The following PALS1 variants were observed in gnomAD, a reference collection of about 807,000 sequenced individuals.
The protein encoded by PALS1 is protein associated with LIN7 1, MAGUK p55 family member, also known as protein PALS1.
A neutral mutation model predicts 78.9 loss-of-function variants in PALS1; 31 were observed. The ratio of observed to expected loss-of-function variants is 0.39; its 90% confidence interval spans 0.30 to 0.53. PALS1 has a LOEUF of 0.53. Among genes scored for constraint, PALS1 ranks in the 20% least tolerant of loss-of-function variants. PALS1 has a pLI of 0.67. For missense variants in PALS1, 704 were observed against 826.5 expected (o/e 0.85, Z 1.82); for synonymous variants, 276 against 270.9 (o/e 1.02, Z -0.18).
At position 67,329,037 on chromosome 14, in the gene PALS1, G is replaced by A. The variant is rs571225806; in HGVS notation, c.1852-3743G>A. Among the ~76,000 whole-genome samples the A allele has an allele frequency of 1.1e-4, 16 of 152,148 alleles. No homozygotes were observed. The East Asian group carries it at 2.7e-3, about 26-fold the overall frequency. Reference sequence around the variant, plus strand: ...AAGAAAGTCATTGGTAGCTTGATGGGGATGGCATTGAATCTATAAATTACC... The same window carrying A: ...AAGAAAGTCATTGGTAGCTTGATGGAGATGGCATTGAATCTATAAATTACC... On this transcript the variant is annotated intron_variant, in intron 14 of 14. Coordinates refer to ENST00000261681, the MANE Select transcript of PALS1 (RefSeq NM_022474.4).
intron 4 of PALS1, among the ~76,000 whole-genome samples, chr14:67,298,652 G>T (rs1199405606): frequency 6.6e-6 from 1 of 152,180 alleles, no homozygotes; most frequent in Non-Finnish European, 1.5e-5. Flanking sequence ...CATTTTTGGA[G>T]TAACTGACTT....
chr14:67,287,597 G>A (rs2084708884), intron 3 of PALS1, among the ~76,000 whole-genome samples: 1 of 152,276 alleles, frequency 6.6e-6, no homozygotes, highest in Admixed American at 6.5e-5. Context: ...CATGTGCAAC[G>A]CTGGTAGGGG....
intron 1 of PALS1, among the ~76,000 whole-genome samples, chr14:67,244,200 G>A (rs2083950166): frequency 1.3e-5 from 2 of 152,254 alleles, no homozygotes; most frequent in African/African-American, 4.8e-5. Context: ...AATGTTTAAT[G>A]AATATCTTTG....
At position 67,335,410 on chromosome 14, in the gene PALS1, T is replaced by C. The variant is rs929355922; in HGVS notation, c.*2454T>C. 2.0e-5 allele frequency: 3 copies of C among 152,242 alleles called. No homozygotes were observed. The highest frequency in any genetic ancestry group is 4.4e-5 in the Non-Finnish European group (3 of 68,040). The allele number at this position is 152,242 out of a possible 1,614,324, so 9.4% of individuals were successfully genotyped here. A position where few individuals can be genotyped will look rare whatever the true frequency, so the allele number is the denominator to read the frequency against. ...GTGGGGGAGGTCTTACCATTTAATA[T>C]AGAAATGATATCAATAACTAATGCT... On this transcript the variant is annotated 3_prime_UTR_variant, in exon 15 of 15. Transcript: ENST00000261681.
At chr14:67,329,880 AG>A (rs1566586595) in intron 14 of PALS1, among the ~76,000 whole-genome samples, 1 of 89,652 alleles carries the variant, frequency 1.1e-5, no homozygotes, top group Non-Finnish European at 1.8e-5. Context: ...ATAAATAAAT[AG>A]ATATAGAAAC....
At chr14:67,303,327 T>G (rs1595600109) in intron 7 of PALS1, among the ~76,000 whole-genome samples, 195 bp from the exon 8 acceptor site, 1 of 152,374 alleles carries the variant, frequency 6.6e-6, no homozygotes, top group East Asian at 1.9e-4. Context: ...GATTCTGTTG[T>G]AAAATCTAGA....
At chr14:67,290,533 A>C (rs991240147) in intron 3 of PALS1, among the ~76,000 whole-genome samples, 2 of 152,192 alleles carry the variant, frequency 1.3e-5, no homozygotes, top group African/African-American at 4.8e-5. Context: ...ACATGCCACA[A>C]TGCCTGGCTA....
At chr14:67,267,846 C>T (rs183031074) in intron 1 of PALS1, among the ~76,000 whole-genome samples, 1 of 152,274 alleles carries the variant, frequency 6.6e-6, no homozygotes, top group East Asian at 1.9e-4. Context: ...TGGAATCATA[C>T]TCGTGTCTGG....
chr14:67,292,792 A>G, intron 4 of PALS1, 73 bp downstream of exon 4: 1 of 1,129,856 alleles, frequency 8.9e-7, no homozygotes, highest in South Asian at 1.4e-5. Context: ...TTATTGGAAA[A>G]TACTAATGTG....
At chr14:67,279,659 A>G (rs1466984336) in intron 3 of PALS1, 122 bp downstream of exon 3, 1 of 991,714 alleles carries the variant, frequency 1.0e-6, no homozygotes, top group Admixed American at 3.2e-5. Context: ...ATTCCAGACC[A>G]AGATCCTTTG....
chr14:67,299,876 AATTATCTTCCCAT>A (rs2084908985), intron 4 of PALS1, among the ~76,000 whole-genome samples: 1 of 152,196 alleles, frequency 6.6e-6, no homozygotes, highest in Admixed American at 6.5e-5. Context: ...TTTAATCCAG[AATTATCTTCCCAT>A]CCTCAGAGTT....
intron 2 of PALS1, among the ~76,000 whole-genome samples, chr14:67,277,515 G>C (rs2140658869): frequency 6.6e-6 from 1 of 152,038 alleles, no homozygotes; most frequent in Admixed American, 6.6e-5. Context: ...AGTTGGCATT[G>C]TGCTCTAACC....
At chr14:67,263,009 G>T (rs1595568095) in intron 1 of PALS1, among the ~76,000 whole-genome samples, 1 of 152,084 alleles carries the variant, frequency 6.6e-6, no homozygotes, top group Non-Finnish European at 1.5e-5. Context: ...TTATTGCTAA[G>T]GAGTTGAAGG....
At chr14:67,291,089 A>C (rs1281675008) in intron 3 of PALS1, among the ~76,000 whole-genome samples, 1 of 152,204 alleles carries the variant, frequency 6.6e-6, no homozygotes, top group Non-Finnish European at 1.5e-5. Context: ...GAGTTGACAA[A>C]TTCTATAATA....
intron 1 of PALS1, among the ~76,000 whole-genome samples, chr14:67,256,075 A>G (rs921191356): frequency 2.7e-5 from 4 of 149,740 alleles, no homozygotes; most frequent in South Asian, 2.1e-4. Flanking sequence ...TTTTTCCTCA[A>G]ATTATAAAAG....
intron 2 of PALS1, among the ~76,000 whole-genome samples, chr14:67,278,341 CTT>C (rs551435645): frequency 3.9e-4 from 54 of 138,120 alleles, no homozygotes; most frequent in Non-Finnish European, 4.0e-4. Context: ...CGGCCCAATT[CTT>C]TTTTTTTTTT....
At position 67,321,216 on chromosome 14, in the gene PALS1, T is replaced by C; in HGVS notation, c.1697T>C (p.Val566Ala). ...ACTAGCATAGATTCTGTACGGCAAG[T>C]GATCAACTCTGGCAAAATATGTCTT... ...YGTSIDSVRQVINSGKICLLS... is the reference protein window; with the variant it reads ...YGTSIDSVRQAINSGKICLLS... Residue 566 changes from valine to alanine, a missense_variant, in exon 13 of 15, where the codon GTG becomes GCG. Coordinates refer to ENST00000261681, the MANE Select transcript of PALS1 (RefSeq NM_022474.4). 6.2e-7 allele frequency: 1 copy of C among 1,614,234 alleles called. No individual in the cohort carries two copies.
In PALS1 at chr14:67,246,500, A is replaced by G. The variant is rs374626460; in HGVS notation, c.-237+4967A>G. ...TACTATAGGTACATGCCACCATGCC[A>G]GGCCGATTTTTAAAATTTTTTGTAG... On this transcript the variant is annotated intron_variant, in intron 1 of 14. Coordinates refer to ENST00000261681, the MANE Select transcript of PALS1 (RefSeq NM_022474.4). Among the ~76,000 whole-genome samples, 5 of 151,538 alleles carry G rather than the reference A, an allele frequency of 3.3e-5. No individual in the cohort carries two copies. The South Asian group carries it at 1.0e-3, about 32-fold the overall frequency.
chr14:67,252,058 GC>G (rs2084072857), intron 1 of PALS1, among the ~76,000 whole-genome samples: 1 of 152,160 alleles, frequency 6.6e-6, no homozygotes, highest in Non-Finnish European at 1.5e-5. Context: ...CACACCACCC[GC>G]CTAAACCTTG....
Sources: allele counts gnomAD v4.1 joint callset (sites outside exome capture counted in the v4.1 genomes callset), GRCh38; gene constraint gnomAD v4.1.1; transcripts MANE v1.5; gene names NCBI Gene and HGNC (gene_info 2026-07-23, HGNC 2026-07-21).